Variants in ZBTB21 observed in about 807,000 individuals in gnomAD.
The protein encoded by ZBTB21 is zinc finger and BTB domain-containing protein 21.
ZBTB21 carries 10 observed loss-of-function variants against 39.8 expected under a neutral mutation model. The ratio of observed to expected loss-of-function variants is 0.25; its 90% CI spans 0.16 to 0.43. The LOEUF is 0.43. Ranked by LOEUF, ZBTB21 falls within the 20% of genes least tolerant of loss-of-function variation. The pLI is 1.00. For missense variants in ZBTB21, 1,221 were observed against 1,296.3 expected (o/e 0.94, Z 0.89); for synonymous variants, 551 against 498.8 (o/e 1.10, Z -1.40).
intron 2 of ZBTB21, among the ~76,000 whole-genome samples, chr21:41,998,580 G>C (rs1289240284): frequency 6.6e-6 from 1 of 152,108 alleles, no homozygotes; most frequent in Non-Finnish European, 1.5e-5. Flanking sequence ...GTAACTATCT[G>C]TGACGGTTTT....
intron 2 of ZBTB21, among the ~76,000 whole-genome samples, chr21:41,996,370 T>C (rs1266063739): frequency 1.3e-5 from 2 of 152,202 alleles, no homozygotes; most frequent in Non-Finnish European, 2.9e-5. Context: ...ATGTGAGACA[T>C]GGAGTCAAGG....
rs781158471 is a variant in ZBTB21, at chr21:41,991,923, G to A, written c.2173C>T (p.Arg725Cys). The change falls in exon 3 of 3, where the codon CGC (arginine) becomes TGC (cysteine). Residue 725 changes from arginine to cysteine, a missense_variant. By Grantham distance (180) the Arg-to-Cys change is radical. Around this residue, in one of 4 missense-constraint regions of ZBTB21, gnomAD observed 523 missense variants for 542.5 expected, o/e 0.96. Coordinates refer to ENST00000310826, the MANE Select transcript of ZBTB21 (RefSeq NM_001098402.2). This position sits in a 1 kb window ranked among gnomAD's most constrained non-coding sequence, Gnocchi z 4.9. ...GAAGAGAGCTTAGCATTACAGAGGC[G>A]GCACTGGTAAACCTCCTTGTTTTCT... ...PVENKEVYQC[R>C]LCNAKLSSLL... 1.1e-5 allele frequency: 17 copies of A among 1,613,972 alleles called. No homozygotes were observed. Among genetic ancestry groups the A allele is most frequent in the African/African-American group, 1.3e-5 (1 of 74,928 alleles).
chr21:41,993,562 A>G lies in ZBTB21; in HGVS notation c.534T>C (p.Pro178=), dbSNP rs2065702639. Residue 178 remains proline (P), a synonymous_variant, in exon 3 of 3, where the codon CCT becomes CCC. Coordinates refer to ENST00000310826, the MANE Select transcript of ZBTB21 (RefSeq NM_001098402.2). The part of the protein sequence containing the change: ...PDVSHTSRPS[P]SIAVKANTNK... ...TGGTATTGGCCTTGACTGCAATGCTAGGAGAGGGCCGGGAAGTATGGCTTA... is the reference window on the plus strand; with the variant it reads ...TGGTATTGGCCTTGACTGCAATGCTGGGAGAGGGCCGGGAAGTATGGCTTA... 6.2e-7 allele frequency: 1 copy of G among 1,614,270 alleles called. No homozygotes were observed. Among genetic ancestry groups the G allele is most frequent in the Middle Eastern group, 1.6e-4 (1 of 6,062 alleles).
intron 1 of ZBTB21, among the ~76,000 whole-genome samples, chr21:42,005,620 T>A (rs2146340348): frequency 6.6e-6 from 1 of 152,372 alleles, no homozygotes; most frequent in East Asian, 1.9e-4. Context: ...CCACGTGGTA[T>A]TCACTGTTCC....
In ZBTB21 at chr21:42,008,282, G is replaced by A. The variant is rs201645807; in HGVS notation, c.-79+1970C>T. ...GCACTTTGGGAGACCAAGTGGGGTG[G>A]ATCACGAGGTCAGGAGATCTCAAGG... On this transcript the variant is annotated intron_variant, in intron 1 of 2. Transcript: ENST00000310826. Among the ~76,000 whole-genome samples, 9 of 134,034 alleles carry A rather than the reference G, an allele frequency of 6.7e-5. No individual in the cohort carries two copies. In the East Asian group the frequency reaches 2.0e-3, roughly 30 times the overall value. The allele number at this position is 134,034 out of a possible 152,430, so 87.9% of individuals were successfully genotyped here. A position where few individuals can be genotyped will look rare whatever the true frequency, so the allele number is the denominator to read the frequency against.
At position 41,993,382 on chromosome 21, in the gene ZBTB21, A is replaced by C; in HGVS notation, c.714T>G (p.Asn238Lys). ...GCAGAGGCTTTGAAGGCAACACTGC[A>C]TTTCTTTTCACCAAACTGATTCTAT... ...DPNRISLVKRNAVLPSKPLQD... is the reference protein window; with the variant it reads ...DPNRISLVKRKAVLPSKPLQD... Residue 238 changes from asparagine to lysine, a missense_variant, in exon 3 of 3, where the codon AAT becomes AAG. This residue lies in a region of ZBTB21 where 500 missense variants were observed against 465.6 expected (regional missense o/e 1.07). Transcript: ENST00000310826. 5 of 1,614,190 alleles carry C rather than the reference A, an allele frequency of 3.1e-6. No individual in the cohort carries two copies. The highest frequency in any genetic ancestry group is 4.2e-6 in the Non-Finnish European group (5 of 1,180,040).
In ZBTB21 at chr21:41,992,124, T is replaced by C. The variant is rs758265763; in HGVS notation, c.1972A>G (p.Ile658Val). 1.2e-6 allele frequency: 2 copies of C among 1,614,110 alleles called. No individual in the cohort carries two copies. The highest frequency in any genetic ancestry group is 1.7e-6 in the Non-Finnish European group (2 of 1,180,008). The change falls in exon 3 of 3, where the codon ATC (isoleucine) becomes GTC (valine). Residue 658 changes from isoleucine (I) to valine (V), a missense_variant. Ile to Val is a conservative substitution (Grantham distance 29). Around this residue, in one of 4 missense-constraint regions of ZBTB21, gnomAD observed 523 missense variants for 542.5 expected, o/e 0.96. Transcript: ENST00000310826. The surrounding 1 kb of genome is among the most constrained non-coding windows in gnomAD (Gnocchi z 4.1). ...GQSSSQAQQV[I>V]KRNLRSRAKG... Reference sequence around the variant, plus strand: ...GCTCGAGATCTCAAGTTCCTCTTGATGACTTGCTGTGCTTGGGAGCTACTC... The same window carrying C: ...GCTCGAGATCTCAAGTTCCTCTTGACGACTTGCTGTGCTTGGGAGCTACTC...
chr21:41,994,281 A>G (rs1237929231), intron 2 of ZBTB21, among the ~76,000 whole-genome samples, 173 bp from the exon 3 acceptor site: 1 of 152,234 alleles, frequency 6.6e-6, no homozygotes, highest in Non-Finnish European at 1.5e-5. Flanking sequence ...AAAATGTAAA[A>G]TAAGTCTCGT....
intron 2 of ZBTB21, among the ~76,000 whole-genome samples, chr21:41,995,213 T>C (rs2146296865): frequency 6.6e-6 from 1 of 152,340 alleles, no homozygotes; most frequent in Middle Eastern, 3.4e-3. Context: ...TGGAACAGTT[T>C]AGAGGACTCA....
In ZBTB21 at chr21:41,993,872, C is replaced by T; in HGVS notation, c.224G>A (p.Cys75Tyr). ...AACATTATCAAAAGCATCTGGCTCACAGAAGTCAAGCTGAAATACAGTTTG... is the reference window on the plus strand; with the variant it reads ...AACATTATCAAAAGCATCTGGCTCATAGAAGTCAAGCTGAAATACAGTTTG... ...ESQTVFQLDF[C>Y]EPDAFDNVLN... Residue 75 changes from cysteine to tyrosine, a missense_variant, in exon 3 of 3, where the codon TGT (cysteine) becomes TAT (tyrosine). By Grantham distance (194) the Cys-to-Tyr change is radical. Around this residue, in one of 4 missense-constraint regions of ZBTB21, gnomAD observed 108 missense variants for 155.0 expected, o/e 0.70. Coordinates refer to ENST00000310826, the MANE Select transcript of ZBTB21 (RefSeq NM_001098402.2). The T allele has an allele frequency of 1.2e-6, 2 of 1,613,974 alleles. No individual in the cohort carries two copies. Among genetic ancestry groups the T allele is most frequent in the Non-Finnish European group, 1.7e-6 (2 of 1,179,944 alleles).
intron 2 of ZBTB21, among the ~76,000 whole-genome samples, chr21:41,998,466 C>T (rs1041478672): frequency 6.6e-6 from 1 of 152,226 alleles, no homozygotes; most frequent in Non-Finnish European, 1.5e-5. Flanking sequence ...GCTGGGATTA[C>T]AGGTGTGAGC....
At chr21:41,996,290 C>T (rs975776811) in intron 2 of ZBTB21, among the ~76,000 whole-genome samples, 1 of 152,234 alleles carries the variant, frequency 6.6e-6, no homozygotes, top group Non-Finnish European at 1.5e-5. Flanking sequence ...GGGGGCTATA[C>T]CCTGCAAAGC....
At chr21:42,008,549 AAAAAAAAAAAAAAG>A (rs2065911560) in intron 1 of ZBTB21, among the ~76,000 whole-genome samples, 1 of 133,648 alleles carries the variant, frequency 7.5e-6, no homozygotes, top group Non-Finnish European at 1.6e-5. Context: ...TCAAAAAAAA[AAAAAAAAAAAAAAG>A]AAAAAAAGAA....
chr21:41,993,836 A>G lies in ZBTB21; in HGVS notation c.260T>C (p.Ile87Thr). Residue 87 changes from isoleucine (I) to threonine (T), a missense_variant, in exon 3 of 3, where the codon ATT becomes ACT. By Grantham distance (89) the Ile-to-Thr change is moderately conservative. Coordinates refer to ENST00000310826, the MANE Select transcript of ZBTB21 (RefSeq NM_001098402.2). ...PDAFDNVLNYIYSSSLFVEKS... is the reference protein window; with the variant it reads ...PDAFDNVLNYTYSSSLFVEKS... ...CTCAACAAATAGAGAGGAAGAATAA[A>G]TGTAGTTTAAAACATTATCAAAAGC... 2 of 1,614,228 alleles carry G rather than the reference A, an allele frequency of 1.2e-6. No homozygotes were observed. Among genetic ancestry groups the G allele is most frequent in the Non-Finnish European group, 1.7e-6 (2 of 1,180,032 alleles).
chr21:42,009,931 G>C (rs940261698), intron 1 of ZBTB21, among the ~76,000 whole-genome samples: 3 of 152,214 alleles, frequency 2.0e-5, no homozygotes, highest in African/African-American at 7.2e-5. Flanking sequence ...CCTACCCCAG[G>C]GGCAGCTCGG....
intron 2 of ZBTB21, among the ~76,000 whole-genome samples, chr21:41,997,733 C>T (rs76347350): frequency 6.6e-6 from 1 of 152,140 alleles, no homozygotes; most frequent in African/African-American, 2.4e-5. Flanking sequence ...GAAACTTTAG[C>T]CTAGTTCTAA....
intron 1 of ZBTB21, among the ~76,000 whole-genome samples, chr21:42,008,540 C>CA (rs68176203): frequency 0.031 from 1,844 of 60,134 alleles, 65 homozygotes; most frequent in East Asian, 0.2. Context: ...GAAACTCTGT[C>CA]AAAAAAAAAA....
chr21:41,991,568 T>C lies in ZBTB21; in HGVS notation c.2528A>G (p.Asp843Gly), dbSNP rs1225663965. 6.2e-7 allele frequency: 1 copy of C among 1,614,212 alleles called. No individual in the cohort carries two copies. The highest frequency in any genetic ancestry group is 1.1e-5 in the South Asian group (1 of 91,084). ...TGAAGAATCACTGAACACGTTGTCG[T>C]CTTTTGTGGTGACGATGTGGTTTAC... ...NKVNHIVTTK[D>G]DNVFSDSSEQ... Residue 843 changes from aspartate to glycine, a missense_variant, in exon 3 of 3, where the codon GAC becomes GGC. Physicochemically the swap from Asp to Gly is moderately conservative, Grantham distance 94. Around this residue, in one of 4 missense-constraint regions of ZBTB21, gnomAD observed 523 missense variants for 542.5 expected, o/e 0.96. Transcript: ENST00000310826. This position sits in a 1 kb window ranked among gnomAD's most constrained non-coding sequence, Gnocchi z 4.9.
At position 41,992,001 on chromosome 21, in the gene ZBTB21, C is replaced by G; in HGVS notation, c.2095G>C (p.Gly699Arg). ...IKMHPGEKPL[G>R]VNKVAKPKEH... The stretch of plus-strand genomic sequence containing the variant: ...TTTGGTTTAGCAACTTTATTTACTC[C>G]AAGGGGTTTTTCTCCTGGATGCATT... Residue 699 changes from glycine (G) to arginine (R), a missense_variant, in exon 3 of 3, where the codon GGA (glycine) becomes CGA (arginine). Gly to Arg is a moderately radical substitution (Grantham distance 125). Coordinates refer to ENST00000310826, the MANE Select transcript of ZBTB21 (RefSeq NM_001098402.2). This position sits in a 1 kb window ranked among gnomAD's most constrained non-coding sequence, Gnocchi z 4.1. 1 of 1,614,168 alleles carries G rather than the reference C, an allele frequency of 6.2e-7. No individual in the cohort carries two copies. Among genetic ancestry groups the G allele is most frequent in the South Asian group, 1.1e-5 (1 of 91,080 alleles).
Sources: allele counts gnomAD v4.1 joint callset (sites outside exome capture counted in the v4.1 genomes callset), GRCh38; gene constraint gnomAD v4.1.1; regional missense constraint gnomAD v4.1.1; non-coding constraint Gnocchi (gnomAD v3.1); transcripts MANE v1.5; gene names NCBI Gene and HGNC (gene_info 2026-07-23, HGNC 2026-07-21).